Variants in SLC15A5 observed in about 807,000 individuals in gnomAD.
The protein encoded by SLC15A5 is Peptide/histidine transporter ENSP00000340402.
Under a neutral mutation model 56.1 loss-of-function variants are expected in SLC15A5, and 58 were observed. The observed-to-expected ratio is 1.03, with a 90% CI of 0.84 to 1.29. The LOEUF (loss-of-function observed/expected upper bound fraction) is 1.29, where lower values mean the gene tolerates loss of function less well. Ranked by LOEUF, SLC15A5 falls within the 50% of genes most tolerant of loss-of-function variation. The pLI is 0.00. For missense variants in SLC15A5, 681 were observed against 672.1 expected (o/e 1.01, Z -0.15); for synonymous variants, 264 against 250.5 (o/e 1.05, Z -0.51).
rs2669944 is a variant in SLC15A5, at chr12:16,194,684, G to T, written c.1484-231C>A. Among the ~76,000 whole-genome samples the T allele has an allele frequency of 9.4e-4, 143 of 151,954 alleles. 1 individual carries two copies. Among genetic ancestry groups the T allele is most frequent in the Non-Finnish European group, 1.6e-3 (108 of 67,922 alleles). On this transcript the variant is annotated intron_variant, in intron 7 of 8. Coordinates refer to ENST00000344941, the MANE Select transcript of SLC15A5 (RefSeq NM_001170798.1). ...TCACAAAACACTCTTAATTTGCATC[G>T]CACAAATATAGGTGTCAGAAGAACT...
At chr12:16,212,370 G>A (rs750800542) in intron 7 of SLC15A5, among the ~76,000 whole-genome samples, 9 of 152,098 alleles carry the variant, frequency 5.9e-5, no homozygotes, top group Non-Finnish European at 1.5e-5. Flanking sequence ...CCAAAGCCAT[G>A]CTTATGGTCA....
rs79715173 is a variant in SLC15A5, at chr12:16,261,441, A to G, written c.585-3571T>C. On this transcript the variant is annotated intron_variant, in intron 2 of 8. Transcript: ENST00000344941. ...CCATTCCTCTCTGTTGCCAAGTACT[A>G]TTCCATTATGTAAATGTACCACTGT... Among the ~76,000 whole-genome samples the G allele has an allele frequency of 5.3e-5, 8 of 152,302 alleles. No individual in the cohort carries two copies. The East Asian group carries it at 1.5e-3, about 29-fold the overall frequency.
At chr12:16,223,468 T>C (rs1395602007) in intron 6 of SLC15A5, among the ~76,000 whole-genome samples, 1 of 152,182 alleles carries the variant, frequency 6.6e-6, no homozygotes. Context: ...AAGAAGCCAC[T>C]GAAATATTGT....
At chr12:16,259,199 A>AT (rs34426231) in intron 2 of SLC15A5, among the ~76,000 whole-genome samples, 23 of 148,100 alleles carry the variant, frequency 1.6e-4, no homozygotes, top group African/African-American at 2.7e-4. Flanking sequence ...ATACCTGGTA[A>AT]TTTTTTTTTT....
At chr12:16,256,163 A>C (rs1003664166) in intron 3 of SLC15A5, among the ~76,000 whole-genome samples, 10 of 152,248 alleles carry the variant, frequency 6.6e-5, no homozygotes, top group African/African-American at 2.4e-4. Flanking sequence ...AAATCTATAG[A>C]TAGAAGGAAA....
At chr12:16,263,095 G>GA (rs1864658789) in intron 2 of SLC15A5, among the ~76,000 whole-genome samples, 1 of 152,172 alleles carries the variant, frequency 6.6e-6, no homozygotes, top group Non-Finnish European at 1.5e-5. Flanking sequence ...AACAGGCAGA[G>GA]GATGGAACAG....
chr12:16,239,608 G>A (rs1864390976), intron 5 of SLC15A5, 73 bp downstream of exon 5: 2 of 1,409,634 alleles, frequency 1.4e-6, no homozygotes, highest in Admixed American at 2.1e-5. Flanking sequence ...CATATAGCTA[G>A]TTCGGATCTT....
intron 6 of SLC15A5, among the ~76,000 whole-genome samples, chr12:16,219,817 T>A (rs1014700884): frequency 6.6e-6 from 1 of 152,118 alleles, no homozygotes; most frequent in Non-Finnish European, 1.5e-5. Context: ...TATCAATAAG[T>A]CTGTCACTAT....
Position 16,189,714 on chromosome 12 carries a change from A to G in SLC15A5, c.1694T>C (p.Ile565Thr). The G allele has an allele frequency of 1.6e-5, 24 of 1,530,980 alleles. No homozygotes were observed. Among genetic ancestry groups the G allele is most frequent in the Non-Finnish European group, 2.0e-5 (23 of 1,144,108 alleles). 94.8% of individuals were successfully genotyped at this position (1,530,980 alleles called of 1,614,324 possible). ...HEKSLKFYGSIQEFSSSIDLW... is the reference protein window; with the variant it reads ...HEKSLKFYGSTQEFSSSIDLW... ...ATCAATACTTGAAGAAAATTCCTGT[A>G]TACTGCCATAAAATTTCAGAGATTT... Residue 565 changes from isoleucine (I) to threonine (T), a missense_variant, in exon 9 of 9, where the codon ATA (isoleucine) becomes ACA (threonine). Transcript: ENST00000344941.
intron 7 of SLC15A5, among the ~76,000 whole-genome samples, chr12:16,202,217 T>C (rs952535152): frequency 6.6e-6 from 1 of 152,018 alleles, no homozygotes; most frequent in African/African-American, 2.4e-5. Flanking sequence ...GGGCCTAATA[T>C]CCAAAACATG....
chr12:16,192,148 A>G (rs779138507), intron 8 of SLC15A5, among the ~76,000 whole-genome samples: 3 of 152,094 alleles, frequency 2.0e-5, no homozygotes, highest in Non-Finnish European at 2.9e-5. Context: ...GAGAAGATCT[A>G]TATGCCAAGA....
chr12:16,266,960 G>A (rs1864703427), intron 2 of SLC15A5, among the ~76,000 whole-genome samples: 1 of 152,136 alleles, frequency 6.6e-6, no homozygotes, highest in African/African-American at 2.4e-5. Context: ...AATTGTTGCT[G>A]CAAAACTCAG....
At chr12:16,205,434 T>A (rs2136241518) in intron 7 of SLC15A5, among the ~76,000 whole-genome samples, 1 of 151,172 alleles carries the variant, frequency 6.6e-6, no homozygotes, top group Middle Eastern at 3.4e-3. Context: ...GGGAATAAGT[T>A]ATGTACTTAA....
At chr12:16,257,241 A>C (rs1342034672) in intron 3 of SLC15A5, among the ~76,000 whole-genome samples, 1 of 152,178 alleles carries the variant, frequency 6.6e-6, no homozygotes, top group Non-Finnish European at 1.5e-5. Context: ...TAAATATAAC[A>C]AAATACAAGA....
rs920285663 is a variant in SLC15A5 at position 16,237,087 on chromosome 12, A to G, written c.1162+2594T>C. Among the ~76,000 whole-genome samples, 1 of 152,154 alleles carries G rather than the reference A, an allele frequency of 6.6e-6. No homozygotes were observed. The highest frequency in any genetic ancestry group is 1.5e-5 in the Non-Finnish European group (1 of 68,024). ...AAATATATGTTCATTCATAATTCAT[A>G]TACCTATATACTTCACCCACATTTT... On this transcript the variant is annotated intron_variant, in intron 5 of 8. Transcript: ENST00000344941. This position sits in a 1 kb window ranked among gnomAD's most constrained non-coding sequence, Gnocchi z 4.1.
chr12:16,241,014 C>T (rs568229442), intron 4 of SLC15A5, among the ~76,000 whole-genome samples: 8 of 152,088 alleles, frequency 5.3e-5, no homozygotes, highest in Admixed American at 2.6e-4. Context: ...GAGGTTTCAC[C>T]GTGTTAGTCA....
Position 16,244,700 on chromosome 12 carries a change from G to T in SLC15A5, c.855C>A (p.Asp285Glu), listed in dbSNP as rs1320034392. ...AGCCACCATTTTTTTCTTTGGCATG[G>T]TCTAACTGGCTTGTCACGTCTCTGC... Reference protein sequence around the residue: ...HLGRDVTSQLDHAKEKNGGCY... With the variant: ...HLGRDVTSQLEHAKEKNGGCY... The change falls in exon 4 of 9, where the codon GAC becomes GAA. Residue 285 changes from aspartate to glutamate, a missense_variant. By Grantham distance (45) the Asp-to-Glu change is conservative (BLOSUM62 2). Transcript: ENST00000344941. The T allele has an allele frequency of 2.0e-6, 3 of 1,537,570 alleles. No homozygotes were observed. The highest frequency in any genetic ancestry group is 2.6e-6 in the Non-Finnish European group (3 of 1,146,998).
intron 2 of SLC15A5, among the ~76,000 whole-genome samples, chr12:16,264,181 G>A (rs1371335438): frequency 2.0e-5 from 3 of 152,220 alleles, no homozygotes; most frequent in African/African-American, 2.4e-5. Context: ...AGCCACAGGG[G>A]CAGAGTTGCT....
At chr12:16,234,514 T>C (rs1339896310) in intron 5 of SLC15A5, among the ~76,000 whole-genome samples, 4 of 152,178 alleles carry the variant, frequency 2.6e-5, no homozygotes, top group Non-Finnish European at 4.4e-5. Context: ...TTAACTTGTA[T>C]GAGATAATAA....
Sources: allele counts gnomAD v4.1 joint callset (sites outside exome capture counted in the v4.1 genomes callset), GRCh38; gene constraint gnomAD v4.1.1; non-coding constraint Gnocchi (gnomAD v3.1); transcripts MANE v1.5; gene names NCBI Gene and HGNC (gene_info 2026-07-23, HGNC 2026-07-21).